Variants in SAMD12 observed in about 807,000 individuals in gnomAD.
SAMD12 encodes the protein sterile alpha motif domain containing 12, also known as sterile alpha motif domain-containing protein 12.
A neutral mutation model predicts 15.0 loss-of-function variants in SAMD12; 9 were observed. The observed-to-expected ratio is 0.60, with a 90% CI of 0.36 to 1.05. The LOEUF (loss-of-function observed/expected upper bound fraction) is 1.05, where lower values mean the gene tolerates loss of function less well. Among genes scored for constraint, SAMD12 ranks in the 50% least tolerant of loss-of-function variants. The probability of loss-of-function intolerance (pLI) is 0.01; values close to 1 mark genes in which losing one functional copy is unlikely to be tolerated. For missense variants in SAMD12, 230 were observed against 234.2 expected, an observed-to-expected ratio of 0.98 and a Z score of 0.12; for synonymous variants, 86 against 90.1, an observed-to-expected ratio of 0.96 and a Z score of 0.25.
At chr8:118,247,966 C>G (rs543047662) in intron 4 of SAMD12, among the ~76,000 whole-genome samples, 2 of 152,256 alleles carry the variant, frequency 1.3e-5, no homozygotes, top group South Asian at 4.1e-4. Context: ...TTAATTCATT[C>G]ATGCTCAGTC....
At chr8:118,411,357 A>G (rs1376712997) in intron 3 of SAMD12, among the ~76,000 whole-genome samples, 1 of 152,232 alleles carries the variant, frequency 6.6e-6, no homozygotes, top group Non-Finnish European at 1.5e-5. Flanking sequence ...AATTAAGGGC[A>G]AGAAGATCAA....
chr8:118,530,574 G>C (rs1825658007), intron 2 of SAMD12, among the ~76,000 whole-genome samples: 1 of 152,082 alleles, frequency 6.6e-6, no homozygotes, highest in South Asian at 2.1e-4. Flanking sequence ...TGAGTTGTTT[G>C]AGTTCCCTAT....
intron 2 of SAMD12, among the ~76,000 whole-genome samples, chr8:118,532,003 G>A (rs188167058): frequency 1.3e-4 from 20 of 152,182 alleles, no homozygotes; most frequent in African/African-American, 2.9e-4. Flanking sequence ...CCTGTCTTGC[G>A]CCCGTTTTCA....
intron 2 of SAMD12, among the ~76,000 whole-genome samples, chr8:118,440,657 AACACAC>A (rs34419362): frequency 0.2 from 28,717 of 142,060 alleles, 3,267 homozygotes; most frequent in Admixed American, 0.31. Context: ...TTATGAGGAA[AACACAC>A]ACACACACAC....
At chr8:118,532,940 C>G (rs1331316317) in intron 2 of SAMD12, among the ~76,000 whole-genome samples, 2 of 152,082 alleles carry the variant, frequency 1.3e-5, no homozygotes, top group African/African-American at 4.8e-5. Context: ...CTATTTCCTT[C>G]AGTTCTGCTC....
At chr8:118,595,918 C>T (rs758142851) in intron 1 of SAMD12, among the ~76,000 whole-genome samples, 3 of 152,188 alleles carry the variant, frequency 2.0e-5, no homozygotes, top group Non-Finnish European at 4.4e-5. Context: ...CACTCCCCTC[C>T]CCTTATGGCA....
chr8:118,617,570 T>C (rs1828268643), intron 1 of SAMD12, among the ~76,000 whole-genome samples: 1 of 152,196 alleles, frequency 6.6e-6, no homozygotes, highest in East Asian at 1.9e-4. Context: ...TTGGAAATCA[T>C]TTTTCTGCCA....
intron 4 of SAMD12, among the ~76,000 whole-genome samples, chr8:118,255,527 C>A (rs1185335582): frequency 2.5e-5 from 3 of 121,854 alleles, no homozygotes; most frequent in Non-Finnish European, 5.0e-5. Flanking sequence ...ACAACAGTCC[C>A]CAGAGTGTGA....
intron 3 of SAMD12, among the ~76,000 whole-genome samples, chr8:118,389,744 G>C (rs1222161695): frequency 1.3e-5 from 2 of 151,790 alleles, no homozygotes; most frequent in Non-Finnish European, 2.9e-5. Context: ...ATAGACGGTA[G>C]TGGACTGGAC....
At chr8:118,273,436 C>T (rs1813411195) in intron 4 of SAMD12, among the ~76,000 whole-genome samples, 2 of 152,128 alleles carry the variant, frequency 1.3e-5, no homozygotes, top group South Asian at 4.1e-4. Flanking sequence ...GGGAGTGAAA[C>T]AAAAATAATT....
chr8:118,204,165 A>G (rs544234817), intron 4 of SAMD12, among the ~76,000 whole-genome samples: 1 of 151,700 alleles, frequency 6.6e-6, no homozygotes, highest in African/African-American at 2.4e-5. Context: ...CATTACCATT[A>G]TAAGAATCAA....
chr8:118,554,912 A>T (rs1410775285), intron 2 of SAMD12, among the ~76,000 whole-genome samples: 1 of 152,174 alleles, frequency 6.6e-6, no homozygotes, highest in East Asian at 1.9e-4. Context: ...CCAATTTTTT[A>T]AATTAGTCTT....
At chr8:118,213,652 T>C (rs1049587980) in intron 4 of SAMD12, among the ~76,000 whole-genome samples, 9 of 152,172 alleles carry the variant, frequency 5.9e-5, no homozygotes, top group African/African-American at 7.2e-5. Flanking sequence ...ATGCAGCAGA[T>C]CATCAAAATT....
intron 4 of SAMD12, among the ~76,000 whole-genome samples, chr8:118,211,071 T>A (rs940601684): frequency 1.3e-5 from 2 of 152,202 alleles, no homozygotes; most frequent in Non-Finnish European, 2.9e-5. Context: ...CATGCTATTA[T>A]AGAAGGGCAA....
chr8:118,394,094 G>A (rs1252807907), intron 3 of SAMD12, among the ~76,000 whole-genome samples: 1 of 152,190 alleles, frequency 6.6e-6, no homozygotes, highest in South Asian at 2.1e-4. Context: ...GTGCTGAAGA[G>A]ACAATACAAA....
At chr8:118,585,418 A>G (rs1276828110) in intron 1 of SAMD12, among the ~76,000 whole-genome samples, 1 of 152,214 alleles carries the variant, frequency 6.6e-6, no homozygotes, top group Non-Finnish European at 1.5e-5. Context: ...TGAACCATAT[A>G]ATTAAAAATG....
chr8:118,242,080 A>G (rs1812582370), intron 4 of SAMD12, among the ~76,000 whole-genome samples: 1 of 152,070 alleles, frequency 6.6e-6, no homozygotes, highest in Non-Finnish European at 1.5e-5. Flanking sequence ...ACCATGGCTA[A>G]CTTCTGTATT....
chr8:118,282,115 G>A (rs1394060477), intron 4 of SAMD12: 12 of 354,944 alleles, frequency 3.4e-5, no homozygotes, highest in African/African-American at 2.6e-4. Context: ...AGTTCATCAG[G>A]TCCTTTCACT....
intron 3 of SAMD12, among the ~76,000 whole-genome samples, chr8:118,404,423 C>G (rs570606667): frequency 1.3e-5 from 2 of 152,276 alleles, no homozygotes; most frequent in South Asian, 4.1e-4. Flanking sequence ...TTTTTTCCAT[C>G]TGGAATTCCA....
Sources: allele counts gnomAD v4.1 joint callset (sites outside exome capture counted in the v4.1 genomes callset), GRCh38; gene constraint gnomAD v4.1.1; transcripts MANE v1.5; gene names NCBI Gene and HGNC (gene_info 2026-07-23, HGNC 2026-07-21).